The following TMEM38B variants were observed in gnomAD, a reference collection of about 807,000 sequenced individuals.
TMEM38B encodes trimeric intracellular cation channel type B.
TMEM38B carries 24 observed loss-of-function variants against 28.7 expected under a neutral mutation model. The observed-to-expected ratio is 0.84, with a 90% CI of 0.61 to 1.18. TMEM38B has a LOEUF of 1.18. Among genes scored for constraint, TMEM38B ranks in the 50% most tolerant of loss-of-function variants. The pLI, the probability that TMEM38B is intolerant of heterozygous loss-of-function variation, is 0.00. For missense variants in TMEM38B, 380 were observed against 350.9 expected, an observed-to-expected ratio of 1.08 and a Z score of -0.66; for synonymous variants, 131 against 127.7, an observed-to-expected ratio of 1.03 and a Z score of -0.17.
intron 2 of TMEM38B, among the ~76,000 whole-genome samples, chr9:105,720,584 G>T (rs1445059022): frequency 6.6e-6 from 1 of 152,044 alleles, no homozygotes; most frequent in African/African-American, 2.4e-5. Context: ...TTTTTATTTA[G>T]TCGCTGAAGC....
intron 5 of TMEM38B, among the ~76,000 whole-genome samples, chr9:105,757,780 C>CTGG (rs1295527567): frequency 6.6e-6 from 1 of 151,906 alleles, no homozygotes; most frequent in African/African-American, 2.4e-5. Context: ...TTTCAGTGGA[C>CTGG]TGGTAAGGGA....
At chr9:105,763,657 G>T (rs1838150654) in intron 5 of TMEM38B, among the ~76,000 whole-genome samples, 1 of 152,160 alleles carries the variant, frequency 6.6e-6, no homozygotes, top group African/African-American at 2.4e-5. Context: ...GAGGTACAAG[G>T]AGCAACTGGT....
At chr9:105,709,676 C>T (rs1404231296) in intron 2 of TMEM38B, among the ~76,000 whole-genome samples, 2 of 152,030 alleles carry the variant, frequency 1.3e-5, no homozygotes, top group East Asian at 1.9e-4. Context: ...AGCTGGATGT[C>T]GAATATAATT....
chr9:105,770,730 T>C (rs748407639), intron 5 of TMEM38B, among the ~76,000 whole-genome samples: 14 of 152,152 alleles, frequency 9.2e-5, no homozygotes, highest in Non-Finnish European at 1.3e-4. Flanking sequence ...CATTGGAAGA[T>C]ACTGATAAGG....
chr9:105,705,154 T>C (rs1023038498), intron 1 of TMEM38B, among the ~76,000 whole-genome samples: 10 of 152,246 alleles, frequency 6.6e-5, no homozygotes, highest in African/African-American at 2.4e-4. Context: ...ACTCTGTTTC[T>C]CACCTGTCTT....
chr9:105,735,399 A>G (rs936490128), intron 4 of TMEM38B, among the ~76,000 whole-genome samples: 5 of 152,228 alleles, frequency 3.3e-5, no homozygotes, highest in African/African-American at 1.2e-4. Flanking sequence ...ATACTTTCAC[A>G]TACTTTCATG....
intron 4 of TMEM38B, among the ~76,000 whole-genome samples, chr9:105,732,935 C>G (rs1232636838): frequency 6.6e-6 from 1 of 152,112 alleles, no homozygotes; most frequent in African/African-American, 2.4e-5. Flanking sequence ...TTCTTCCTGT[C>G]CATGAGCATG....
chr9:105,715,732 G>A (rs1048734891), intron 2 of TMEM38B, among the ~76,000 whole-genome samples: 3 of 151,612 alleles, frequency 2.0e-5, no homozygotes, highest in Non-Finnish European at 2.9e-5. Context: ...ACTCTCTCCT[G>A]AGTGTTGAAT....
At chr9:105,717,475 A>G (rs897356382) in intron 2 of TMEM38B, among the ~76,000 whole-genome samples, 5 of 152,234 alleles carry the variant, frequency 3.3e-5, no homozygotes, top group Non-Finnish European at 7.3e-5. Context: ...CAGCAGAGAA[A>G]TGATGGATAA....
intron 4 of TMEM38B, among the ~76,000 whole-genome samples, chr9:105,742,397 A>C (rs1384135846): frequency 6.6e-6 from 1 of 152,216 alleles, no homozygotes; most frequent in Non-Finnish European, 1.5e-5. Context: ...TCTGGATTTC[A>C]AAATGGCTTG....
At position 105,721,629 on chromosome 9, in the gene TMEM38B, C is replaced by T; in HGVS notation, c.362C>T (p.Thr121Ile). Reference sequence around the variant, plus strand: ...CTGGCTTCGGGAATGAAGGAAGTGACCAGAACTTGGAAAATAGTAGGTGGA... The same window carrying T: ...CTGGCTTCGGGAATGAAGGAAGTGATCAGAACTTGGAAAATAGTAGGTGGA... The part of the protein sequence containing the change: ...QLLASGMKEV[T>I]RTWKIVGGVT... Residue 121 changes from threonine to isoleucine, a missense_variant, in exon 3 of 6, where the codon ACC (threonine) becomes ATC (isoleucine). Physicochemically the swap from Thr to Ile is moderately conservative, Grantham distance 89 (BLOSUM62 -1). Coordinates refer to ENST00000374692, the MANE Select transcript of TMEM38B (RefSeq NM_018112.3). 6.2e-7 allele frequency: 1 copy of T among 1,613,504 alleles called. No individual in the cohort carries two copies. Among genetic ancestry groups the T allele is most frequent in the South Asian group, 1.1e-5 (1 of 91,024 alleles).
intron 1 of TMEM38B, among the ~76,000 whole-genome samples, chr9:105,698,005 G>A (rs533912257): frequency 7.2e-5 from 11 of 152,246 alleles, no homozygotes; most frequent in Middle Eastern, 3.4e-3. Context: ...TCTCAGCAGA[G>A]TATGCTCTAT....
chr9:105,765,314 A>G (rs1452224064), intron 5 of TMEM38B, among the ~76,000 whole-genome samples: 6 of 152,222 alleles, frequency 3.9e-5, no homozygotes, highest in African/African-American at 1.4e-4. Context: ...AAAATTTTTA[A>G]AAGTCAACTT....
At chr9:105,708,518 A>G (rs1180399595) in intron 2 of TMEM38B, among the ~76,000 whole-genome samples, 3 of 152,174 alleles carry the variant, frequency 2.0e-5, no homozygotes, top group Non-Finnish European at 4.4e-5. Context: ...ATTAAGAACA[A>G]TATCCCAAAC....
intron 1 of TMEM38B, among the ~76,000 whole-genome samples, chr9:105,698,635 T>C (rs1413876375): frequency 1.3e-5 from 2 of 152,166 alleles, no homozygotes; most frequent in African/African-American, 2.4e-5. Context: ...TTGGCAGTAC[T>C]TCATGTAAAA....
intron 5 of TMEM38B, among the ~76,000 whole-genome samples, chr9:105,766,173 T>C (rs963810969): frequency 1.3e-5 from 2 of 152,220 alleles, no homozygotes; most frequent in African/African-American, 2.4e-5. Flanking sequence ...TGTTTAACTT[T>C]TTAAGAAACT....
At chr9:105,700,888 A>G (rs978993377) in intron 1 of TMEM38B, 3 of 152,046 alleles carry the variant, frequency 2.0e-5, no homozygotes, top group Admixed American at 1.3e-4. Flanking sequence ...TAAAAATAGA[A>G]CATTTATGAC....
chr9:105,710,976 A>G (rs1468250277), intron 2 of TMEM38B, among the ~76,000 whole-genome samples: 1 of 152,176 alleles, frequency 6.6e-6, no homozygotes, highest in Non-Finnish European at 1.5e-5. Flanking sequence ...TCTTTCCCGC[A>G]AGATCACCAG....
At chr9:105,756,964 A>G (rs112002543) in intron 5 of TMEM38B, among the ~76,000 whole-genome samples, 198 of 151,986 alleles carry the variant, frequency 1.3e-3, no homozygotes, top group African/African-American at 4.6e-3. Context: ...GGTTACATGG[A>G]TAAGTTCTTT....
Sources: allele counts gnomAD v4.1 joint callset (sites outside exome capture counted in the v4.1 genomes callset), GRCh38; gene constraint gnomAD v4.1.1; transcripts MANE v1.5; gene names NCBI Gene and HGNC (gene_info 2026-07-23, HGNC 2026-07-21).